WASHC4: variants seen among roughly 807,000 people sequenced by gnomAD.
WASHC4 encodes the protein WASH complex subunit 4.
In WASHC4, 86 loss-of-function variants were observed where a neutral mutation model predicts 166.6. The observed-to-expected ratio is 0.52, with a 90% CI of 0.43 to 0.62. WASHC4 has a LOEUF of 0.62. WASHC4 is among the 20% of genes least tolerant of loss of function. The probability of loss-of-function intolerance (pLI) is 0.00; values close to 1 mark genes in which losing one functional copy is unlikely to be tolerated. For synonymous variants in WASHC4, 446 were observed against 451.6 expected, an observed-to-expected ratio of 0.99 and a Z score of 0.16; for missense variants, 1,262 against 1,382.4, an observed-to-expected ratio of 0.91 and a Z score of 1.38.
At position 105,164,218 on chromosome 12, in the gene WASHC4, A is replaced by G; in HGVS notation, c.3265A>G (p.Lys1089Glu). 1 of 1,614,076 alleles carries G rather than the reference A, an allele frequency of 6.2e-7. No homozygotes were observed. The highest frequency in any genetic ancestry group is 8.5e-7 in the Non-Finnish European group (1 of 1,179,930). ...KYLKEIRAVA[K>E]QQNVQSASQD... ...CCTGAAGGAGATAAGAGCAGTTGCT[A>G]AGCAACAGAATGTACAGTCAGCCAG... The change falls in exon 31 of 33, where the codon AAG becomes GAG. Residue 1089 changes from lysine to glutamate, a missense_variant. Transcript: ENST00000332180.
chr12:105,160,653 A>C (rs1014528156), intron 29 of WASHC4, among the ~76,000 whole-genome samples: 1 of 152,204 alleles, frequency 6.6e-6, no homozygotes, highest in Non-Finnish European at 1.5e-5. Context: ...CGTATGGCCT[A>C]AGATAGATTC....
At chr12:105,154,033 CTT>C (rs34546795) in intron 26 of WASHC4, among the ~76,000 whole-genome samples, 35 of 139,448 alleles carry the variant, frequency 2.5e-4, no homozygotes, top group Non-Finnish European at 2.2e-4. Context: ...AATATAAATT[CTT>C]TTTTTTTTTT....
At chr12:105,157,381 A>G (rs1324514142) in intron 28 of WASHC4, 59 bp downstream of exon 28, 1 of 934,016 alleles carries the variant, frequency 1.1e-6, no homozygotes, top group Non-Finnish European at 1.7e-6. Context: ...TGAAGAGAAG[A>G]CCAGAGGGTA....
At chr12:105,156,224 C>G (rs1884153127) in intron 26 of WASHC4, among the ~76,000 whole-genome samples, 1 of 152,048 alleles carries the variant, frequency 6.6e-6, no homozygotes, top group Admixed American at 6.5e-5. Flanking sequence ...AGATCCTGAG[C>G]TTGAGTTGGA....
intron 15 of WASHC4, among the ~76,000 whole-genome samples, chr12:105,138,432 A>T (rs1278926036): frequency 6.6e-6 from 1 of 151,960 alleles, no homozygotes; most frequent in Non-Finnish European, 1.5e-5. Context: ...TAGTTAACAT[A>T]AGGCTATTTA....
intron 14 of WASHC4, among the ~76,000 whole-genome samples, chr12:105,135,277 C>T (rs972335573): frequency 5.9e-5 from 9 of 151,840 alleles, no homozygotes; most frequent in Non-Finnish European, 1.3e-4. Flanking sequence ...CATCTTTCTA[C>T]TTGGGGAATA....
chr12:105,152,263 A>G, intron 25 of WASHC4, 80 bp from the exon 26 acceptor site: 1 of 742,562 alleles, frequency 1.3e-6, no homozygotes, highest in Non-Finnish European at 2.5e-6. Flanking sequence ...AAAGGAGAGT[A>G]GTATTGGCAT....
chr12:105,138,304 CT>C (rs1882495739), intron 15 of WASHC4, among the ~76,000 whole-genome samples: 1 of 149,082 alleles, frequency 6.7e-6, no homozygotes. Context: ...GAAAAGTTAA[CT>C]TTAATATTAT....
At chr12:105,152,766 G>A (rs1192466793) in intron 26 of WASHC4, among the ~76,000 whole-genome samples, 1 of 152,038 alleles carries the variant, frequency 6.6e-6, no homozygotes, top group South Asian at 2.1e-4. Context: ...TCTGTTCAAG[G>A]CACTGTTTTG....
intron 1 of WASHC4, among the ~76,000 whole-genome samples, chr12:105,110,362 G>A (rs1236350284): frequency 6.6e-6 from 1 of 152,176 alleles, no homozygotes; most frequent in Non-Finnish European, 1.5e-5. Context: ...AGTTGGAGTT[G>A]AATTTGTTAC....
At chr12:105,141,492 T>A (rs1398970636) in intron 18 of WASHC4, among the ~76,000 whole-genome samples, 1 of 152,208 alleles carries the variant, frequency 6.6e-6, no homozygotes, top group African/African-American at 2.4e-5. Context: ...CCTCAGAGCA[T>A]CTGGCCGACT....
chr12:105,148,152 G>A (rs1191454993), intron 24 of WASHC4: 8 of 984,978 alleles, frequency 8.1e-6, no homozygotes, highest in Non-Finnish European at 9.6e-6. Flanking sequence ...GTATACAGTG[G>A]AAAAGCATTG....
chr12:105,162,284 G>A (rs757189838), intron 29 of WASHC4, among the ~76,000 whole-genome samples: 10 of 152,172 alleles, frequency 6.6e-5, no homozygotes, highest in African/African-American at 9.7e-5. Context: ...TAGTATTTTC[G>A]AATGAATTAG....
chr12:105,115,114 T>A, intron 4 of WASHC4, 70 bp from the exon 5 acceptor site: 1 of 786,292 alleles, frequency 1.3e-6, no homozygotes, highest in Non-Finnish European at 2.2e-6. Context: ...AGTATACAGA[T>A]CTAAGAGAGC....
chr12:105,147,867 T>G, intron 24 of WASHC4: 2 of 871,134 alleles, frequency 2.3e-6, no homozygotes, highest in Non-Finnish European at 2.7e-6. Flanking sequence ...ATTGCGCCAT[T>G]GCACTCCAGC....
At chr12:105,153,233 AT>A (rs761793944) in intron 26 of WASHC4, among the ~76,000 whole-genome samples, 1 of 152,116 alleles carries the variant, frequency 6.6e-6, no homozygotes, top group Non-Finnish European at 1.5e-5. Flanking sequence ...TGTGAGATTG[AT>A]TTATTCATTT....
At position 105,126,937 on chromosome 12, in the gene WASHC4, C is replaced by G. The variant is rs537810983; in HGVS notation, c.1039-192C>G. Among the ~76,000 whole-genome samples, 9 of 152,134 alleles carry G rather than the reference C, an allele frequency of 5.9e-5. 1 individual carries two copies. In the East Asian group the frequency reaches 1.5e-3, roughly 26 times the overall value. On this transcript the variant is annotated intron_variant, in intron 12 of 32. Transcript: ENST00000332180. ...TTCAGGTGAATAAAATTGTCATGCT[C>G]AACACCAGATGTAGAAATGCCTTAA...
chr12:105,124,893 T>G (rs1881131851), intron 10 of WASHC4, among the ~76,000 whole-genome samples: 1 of 152,234 alleles, frequency 6.6e-6, no homozygotes, highest in Admixed American at 6.5e-5. Context: ...CATGTGGCTA[T>G]TTAAATGTAA....
intron 1 of WASHC4, among the ~76,000 whole-genome samples, chr12:105,110,614 A>G (rs921686732): frequency 2.6e-5 from 4 of 152,244 alleles, no homozygotes; most frequent in Non-Finnish European, 5.9e-5. Flanking sequence ...TAGAAATAAT[A>G]TGCTCAAGCA....
Sources: gnomAD v4.1 joint callset for allele counts (sites outside exome capture counted in the v4.1 genomes callset) on GRCh38, gnomAD v4.1.1 for gene constraint, MANE v1.5 for transcripts, NCBI Gene and HGNC (gene_info 2026-07-23, HGNC 2026-07-21) for gene names.